Variants in EPHB3 observed in about 807,000 individuals in gnomAD.
The protein encoded by EPHB3 is EPH receptor B3.
EPHB3 carries 33 observed loss-of-function variants against 100.2 expected under a neutral mutation model. The observed-to-expected ratio is 0.33, with a 90% CI of 0.25 to 0.44. The LOEUF (loss-of-function observed/expected upper bound fraction) is 0.44, where lower values mean the gene tolerates loss of function less well. EPHB3 is among the 20% of genes least tolerant of loss of function. The pLI, the probability that EPHB3 is intolerant of heterozygous loss-of-function variation, is 1.00. For missense variants in EPHB3, 1,045 were observed against 1,378.3 expected (o/e 0.76, Z 3.83); for synonymous variants, 526 against 554.7 (o/e 0.95, Z 0.73).
chr3:184,575,329 T>G (rs567478682), intron 3 of EPHB3: 3 of 726,130 alleles, frequency 4.1e-6, no homozygotes, highest in Non-Finnish European at 5.1e-6. Flanking sequence ...CAGGAGCTGC[T>G]GCCTGCGCCT....
Position 184,577,086 on chromosome 3 carries a change from G to A in EPHB3, c.1257G>A (p.Thr419=), listed in dbSNP as rs369900872. The A allele has an allele frequency of 1.4e-5, 23 of 1,613,514 alleles. No homozygotes were observed. Among genetic ancestry groups the A allele is most frequent in the East Asian group, 2.2e-5 (1 of 44,884 alleles). The change falls in exon 5 of 16, where the codon ACG becomes ACA. Residue 419 remains threonine (T), a synonymous_variant. Coordinates refer to ENST00000330394, the MANE Select transcript of EPHB3 (RefSeq NM_004443.4). This position sits in a 1 kb window ranked among gnomAD's most constrained non-coding sequence, Gnocchi z 4.9. ...ACATCAGCCATCTGCTGGCCCACAC[G>A]CGCTACACCTTTGAGGTGCAGGCGG... ...RVHISHLLAH[T]RYTFEVQAVN...
rs781562647 is a variant in EPHB3, at chr3:184,566,072, G to T, written c.118+3719G>T. On this transcript the variant is annotated intron_variant, in intron 1 of 15. Transcript: ENST00000330394. ...GGAGACTGGATACAGCTGGGCACCTGATGGGGTGGGAGAGGCCCCCTGCCC... is the reference window on the plus strand; with the variant it reads ...GGAGACTGGATACAGCTGGGCACCTTATGGGGTGGGAGAGGCCCCCTGCCC... 2.6e-4 allele frequency among the ~76,000 whole-genome samples: 40 copies of T among 152,348 alleles called. 1 individual carries two copies. Among genetic ancestry groups the T allele is most frequent in the Non-Finnish European group, 4.6e-4 (31 of 68,034 alleles).
Position 184,578,427 on chromosome 3 carries a change from G to A in EPHB3, c.1762G>A (p.Gly588Ser), listed in dbSNP as rs558627644. 7.4e-6 allele frequency: 12 copies of A among 1,613,994 alleles called. No homozygotes were observed. Among genetic ancestry groups the A allele is most frequent in the Non-Finnish European group, 1.0e-5 (12 of 1,179,986 alleles). The change falls in exon 9 of 16, where the codon GGC (glycine) becomes AGC (serine). Residue 588 changes from glycine (G) to serine (S), a missense_variant. Physicochemically the swap from Gly to Ser is moderately conservative, Grantham distance 56 (BLOSUM62 0). This residue lies in a region of EPHB3 where 985 missense variants were observed against 1,331.1 expected (regional missense o/e 0.74). Transcript: ENST00000330394. This position sits in a 1 kb window ranked among gnomAD's most constrained non-coding sequence, Gnocchi z 4.7. ...GCCACCCTACAGGAAGCAGCGACAC[G>A]GCTCTGATTCGGAGTACACGGAGAA... ...AIVCLRKQRH[G>S]SDSEYTEKLQ... is the part of the protein sequence containing the mutation.
intron 1 of EPHB3, among the ~76,000 whole-genome samples, chr3:184,567,720 A>AAGT (rs1714422261): frequency 6.6e-6 from 1 of 152,182 alleles, no homozygotes; most frequent in Non-Finnish European, 1.5e-5. Context: ...TTTGCACTTT[A>AAGT]CACCGAAGAC....
intron 12 of EPHB3, 37 bp downstream of exon 12, chr3:184,580,654 G>A (rs749205921): frequency 1.2e-6 from 2 of 1,609,604 alleles, no homozygotes; most frequent in African/African-American, 2.7e-5. Flanking sequence ...TGGGGGCGGG[G>A]CCTATCAGCC....
chr3:184,562,204 G>A lies in EPHB3; in HGVS notation c.-32G>A. ...CCGCCGGCGCGGCCCGGCCCGGCGC[G>A]GCCCGGCTCGGCTCCTAGAGCTGCC... On this transcript the variant is annotated 5_prime_UTR_variant, in exon 1 of 16. Transcript: ENST00000330394. This position sits in a 1 kb window ranked among gnomAD's most constrained non-coding sequence, Gnocchi z 4.8. 3.6e-6 allele frequency: 2 copies of A among 563,108 alleles called. No homozygotes were observed. The highest frequency in any genetic ancestry group is 4.7e-6 in the Non-Finnish European group (2 of 428,420). 34.9% of individuals were successfully genotyped at this position (563,108 alleles called of 1,614,324 possible).
At position 184,569,521 on chromosome 3, in the gene EPHB3, C is replaced by T. The variant is rs1362152460; in HGVS notation, c.119-1797C>T. The stretch of plus-strand genomic sequence containing the variant: ...CCCGGCTTCTGAGCATCTCGGCTTC[C>T]CTCGAGTACCCCCCAGGCCGAATGT... On this transcript the variant is annotated intron_variant, in intron 1 of 15. Coordinates refer to ENST00000330394, the MANE Select transcript of EPHB3 (RefSeq NM_004443.4). This position sits in a 1 kb window ranked among gnomAD's most constrained non-coding sequence, Gnocchi z 5.4. 3.9e-5 allele frequency among the ~76,000 whole-genome samples: 6 copies of T among 152,272 alleles called. No homozygotes were observed. In the East Asian group the frequency reaches 1.2e-3, roughly 29 times the overall value.
At chr3:184,576,267 C>T (rs1323282128) in intron 4 of EPHB3, among the ~76,000 whole-genome samples, 4 of 150,402 alleles carry the variant, frequency 2.7e-5, no homozygotes, top group African/African-American at 5.0e-5. Context: ...GGAACTGGCT[C>T]CTAGCCATGC....
Position 184,580,867 on chromosome 3 carries a change from A to C in EPHB3, c.2527A>C (p.Ser843Arg). ...TGGAGAGCGACCCTACTGGGACATG[A>C]GCAACCAGGATGTGAGTGAGGCTAC... The part of the protein sequence containing the change: ...SYGERPYWDM[S>R]NQDVINAVEQ... Residue 843 changes from serine to arginine, a missense_variant, in exon 13 of 16, where the codon AGC becomes CGC. Ser to Arg is a moderately radical substitution (Grantham distance 110). Transcript: ENST00000330394. 1 of 1,613,972 alleles carries C rather than the reference A, an allele frequency of 6.2e-7. No homozygotes were observed. The highest frequency in any genetic ancestry group is 1.1e-5 in the South Asian group (1 of 91,082).
chr3:184,578,278 T>C lies in EPHB3; in HGVS notation c.1749-136T>C. ...TTGCTCAGACACCCAGAGACTGCTG[T>C]GACCACCAATTGTGGGACTAGGCCC... On this transcript the variant is annotated intron_variant, in intron 8 of 15. Coordinates refer to ENST00000330394, the MANE Select transcript of EPHB3 (RefSeq NM_004443.4). This position sits in a 1 kb window ranked among gnomAD's most constrained non-coding sequence, Gnocchi z 4.7. The C allele has an allele frequency of 7.6e-7, 1 of 1,307,512 alleles. No homozygotes were observed. Among genetic ancestry groups the C allele is most frequent in the Non-Finnish European group, 1.1e-6 (1 of 931,330 alleles). The allele number at this position is 1,307,512 out of a possible 1,614,324, so 81.0% of individuals were successfully genotyped here.
Position 184,576,876 on chromosome 3 carries a change from T to G in EPHB3, c.1047T>G (p.Asn349Lys). The change falls in exon 5 of 16, where the codon AAT becomes AAG. Residue 349 changes from asparagine (N) to lysine (K), a missense_variant. Physicochemically the swap from Asn to Lys is moderately conservative, Grantham distance 94. Coordinates refer to ENST00000330394, the MANE Select transcript of EPHB3 (RefSeq NM_004443.4). ...CTCCACCCCGAGGTGTGATCTCCAA[T>G]GTGAATGAAACCTCACTGATCCTCG... Reference protein sequence around the residue: ...VPSPPRGVISNVNETSLILEW... With the variant: ...VPSPPRGVISKVNETSLILEW... The G allele has an allele frequency of 6.4e-7, 1 of 1,559,012 alleles. No individual in the cohort carries two copies.
intron 3 of EPHB3, chr3:184,575,286 C>CGTCCT (rs1237358439): frequency 1.0e-6 from 1 of 961,416 alleles, no homozygotes; most frequent in Non-Finnish European, 1.2e-6. Context: ...TCCTCTCACC[C>CGTCCT]GTCCTCAGCC....
chr3:184,581,489 G>C (rs1714821194), intron 15 of EPHB3, 25 bp from the exon 16 acceptor site: 3 of 1,607,244 alleles, frequency 1.9e-6, no homozygotes, highest in Non-Finnish European at 2.5e-6. Flanking sequence ...GAAAGGGACT[G>C]ATCCTAATTT....
rs1193426937 is a variant in EPHB3, at chr3:184,577,235, G to A, written c.1354+52G>A. ...GCCTGGGTCACTTTCTCCTGGATGA[G>A]GTGTCCCAGGACCTGCTAAGGGACC... is the stretch of plus-strand genomic sequence containing the variant. On this transcript the variant is annotated intron_variant, in intron 5 of 15. Coordinates refer to ENST00000330394, the MANE Select transcript of EPHB3 (RefSeq NM_004443.4). The surrounding 1 kb of genome is among the most constrained non-coding windows in gnomAD (Gnocchi z 4.9). The A allele has an allele frequency of 6.4e-7, 1 of 1,571,502 alleles. No individual in the cohort carries two copies. Among genetic ancestry groups the A allele is most frequent in the Non-Finnish European group, 8.6e-7 (1 of 1,156,494 alleles).
In EPHB3 at chr3:184,571,236, G is replaced by T. The variant is rs1456721083; in HGVS notation, c.119-82G>T. On this transcript the variant is annotated intron_variant, in intron 1 of 15. Coordinates refer to ENST00000330394, the MANE Select transcript of EPHB3 (RefSeq NM_004443.4). This position sits in a 1 kb window ranked among gnomAD's most constrained non-coding sequence, Gnocchi z 5.0. ...CCCAAAGTGCTGGGATTACAGGTGT[G>T]AGCCACTTCGCTCATCTGTGATCTC... 2.3e-5 allele frequency: 33 copies of T among 1,442,174 alleles called. No individual in the cohort carries two copies. Among genetic ancestry groups the T allele is most frequent in the Non-Finnish European group, 3.0e-5 (31 of 1,026,980 alleles). 89.3% of individuals were successfully genotyped at this position (1,442,174 alleles called of 1,614,324 possible). A position where few individuals can be genotyped will look rare whatever the true frequency, so the allele number is the denominator to read the frequency against.
rs1714829135 is a variant in EPHB3, at chr3:184,581,727, A to T, written c.*105A>T. ...GATGCCTGGCCTTAGGCTGTGGCCC[A>T]GAAGCTGGAAGTTTGGGAAAGGCCC... On this transcript the variant is annotated 3_prime_UTR_variant, in exon 16 of 16. Coordinates refer to ENST00000330394, the MANE Select transcript of EPHB3 (RefSeq NM_004443.4). 2 of 1,177,200 alleles carry T rather than the reference A, an allele frequency of 1.7e-6. No individual in the cohort carries two copies. Among genetic ancestry groups the T allele is most frequent in the African/African-American group, 1.6e-5 (1 of 64,136 alleles). The allele number at this position is 1,177,200 out of a possible 1,614,324, so 72.9% of individuals were successfully genotyped here.
chr3:184,576,877 G>A lies in EPHB3; in HGVS notation c.1048G>A (p.Val350Met). ...PSPPRGVISN[V>M]NETSLILEWS... ...TCCACCCCGAGGTGTGATCTCCAATGTGAATGAAACCTCACTGATCCTCGA... is the reference window on the plus strand; with the variant it reads ...TCCACCCCGAGGTGTGATCTCCAATATGAATGAAACCTCACTGATCCTCGA... The change falls in exon 5 of 16, where the codon GTG becomes ATG. Residue 350 changes from valine to methionine, a missense_variant. Physicochemically the swap from Val to Met is conservative, Grantham distance 21. This residue lies in a region of EPHB3 where 985 missense variants were observed against 1,331.1 expected (regional missense o/e 0.74). Transcript: ENST00000330394. 1.3e-6 allele frequency: 2 copies of A among 1,559,550 alleles called. No individual in the cohort carries two copies. The highest frequency in any genetic ancestry group is 1.7e-6 in the Non-Finnish European group (2 of 1,149,254).
rs1714298490 is a variant in EPHB3, at chr3:184,563,076, C to A, written c.118+723C>A. 6.6e-6 allele frequency among the ~76,000 whole-genome samples: 1 copy of A among 152,222 alleles called. No homozygotes were observed. The highest frequency in any genetic ancestry group is 2.4e-5 in the African/African-American group (1 of 41,456). On this transcript the variant is annotated intron_variant, in intron 1 of 15. Coordinates refer to ENST00000330394, the MANE Select transcript of EPHB3 (RefSeq NM_004443.4). The surrounding 1 kb of genome is among the most constrained non-coding windows in gnomAD (Gnocchi z 4.1). The stretch of plus-strand genomic sequence containing the variant: ...GCTGGTGGGAAAAGGCCAGGCTTCT[C>A]AATAGGTTCTGTGAAACCTGCCAAG...
intron 1 of EPHB3, among the ~76,000 whole-genome samples, chr3:184,566,139 C>T (rs1714379732): frequency 6.6e-6 from 1 of 152,014 alleles, no homozygotes; most frequent in Non-Finnish European, 1.5e-5. Flanking sequence ...CCCTTCTGCC[C>T]CCAGCCTCCT....
Sources: allele counts gnomAD v4.1 joint callset (sites outside exome capture counted in the v4.1 genomes callset), GRCh38; gene constraint gnomAD v4.1.1; regional missense constraint gnomAD v4.1.1; non-coding constraint Gnocchi (gnomAD v3.1); transcripts MANE v1.5; gene names NCBI Gene and HGNC (gene_info 2026-07-23, HGNC 2026-07-21).